The following APBA1 variants were observed in gnomAD, a reference collection of about 807,000 sequenced individuals.
APBA1 encodes the protein amyloid-beta A4 precursor protein-binding family A member 1.
APBA1 carries 55 observed loss-of-function variants against 86.6 expected under a neutral mutation model. That is an observed-to-expected ratio of 0.64 (90% CI 0.51 to 0.80). The LOEUF is 0.80. Among genes scored for constraint, APBA1 ranks in the 30% least tolerant of loss-of-function variants. The pLI is 0.00. For synonymous variants in APBA1, 511 were observed against 493.9 expected, an observed-to-expected ratio of 1.03 and a Z score of -0.46; for missense variants, 1,090 against 1,183.0, an observed-to-expected ratio of 0.92 and a Z score of 1.15.
At chr9:69,439,072 GA>G (rs1388055196) in intron 11 of APBA1, among the ~76,000 whole-genome samples, 1 of 40,300 alleles carries the variant, frequency 2.5e-5, no homozygotes, top group Non-Finnish European at 4.9e-5. Context: ...ATTCTGGCTT[GA>G]AAATTCTTTT....
At chr9:69,474,646 T>C (rs1352726075) in intron 3 of APBA1, among the ~76,000 whole-genome samples, 2 of 152,234 alleles carry the variant, frequency 1.3e-5, no homozygotes, top group Non-Finnish European at 2.9e-5. Context: ...GTGCTCCCAA[T>C]GGCCAAGTGT....
chr9:69,562,148 GA>G (rs1383674725), intron 1 of APBA1, among the ~76,000 whole-genome samples: 1 of 151,992 alleles, frequency 6.6e-6, no homozygotes, highest in Admixed American at 6.6e-5. Flanking sequence ...TAATTATCCT[GA>G]TTTTATCATT....
intron 1 of APBA1, among the ~76,000 whole-genome samples, chr9:69,616,308 A>G (rs1822698764): frequency 1.3e-5 from 2 of 152,196 alleles, no homozygotes; most frequent in South Asian, 4.1e-4. Context: ...CTGTAACTGG[A>G]TAAATTCTTC....
At chr9:69,584,009 C>T (rs1248932737) in intron 1 of APBA1, among the ~76,000 whole-genome samples, 4 of 152,220 alleles carry the variant, frequency 2.6e-5, no homozygotes, top group African/African-American at 4.8e-5. Flanking sequence ...TGTGTAAATG[C>T]TTTTCTATCA....
intron 1 of APBA1, among the ~76,000 whole-genome samples, chr9:69,543,390 G>A (rs1243608492): frequency 6.6e-6 from 1 of 151,870 alleles, no homozygotes; most frequent in Non-Finnish European, 1.5e-5. Flanking sequence ...CCATTAGAAA[G>A]TAAAGCATTA....
intron 10 of APBA1, among the ~76,000 whole-genome samples, chr9:69,448,166 C>T (rs992367849): frequency 4.6e-5 from 7 of 152,226 alleles, no homozygotes; most frequent in African/African-American, 1.7e-4. Context: ...TGCTACCTAC[C>T]TAGGTTTTAT....
chr9:69,655,078 C>T lies in APBA1; in HGVS notation c.-70+17075G>A, dbSNP rs115630209. ...TTTCAACACAACATGACAAAGGCCA[C>T]GTATGACAAACCCACAGCTAACATC... On this transcript the variant is annotated intron_variant, in intron 1 of 12. Transcript: ENST00000265381. Among the ~76,000 whole-genome samples, 859 of 152,166 alleles carry T rather than the reference C, an allele frequency of 5.6e-3. 8 individuals are homozygous for T. The highest frequency in any genetic ancestry group is 0.019 in the African/African-American group (802 of 41,512).
chr9:69,595,019 G>A (rs1822202183), intron 1 of APBA1, among the ~76,000 whole-genome samples: 1 of 152,200 alleles, frequency 6.6e-6, no homozygotes, highest in South Asian at 2.1e-4. Flanking sequence ...TTGGCACAAA[G>A]TAAACCATCA....
At chr9:69,510,652 C>T (rs1280325996) in intron 2 of APBA1, among the ~76,000 whole-genome samples, 9 of 142,276 alleles carry the variant, frequency 6.3e-5, no homozygotes, top group Non-Finnish European at 1.0e-4. Context: ...GGAGGCATCA[C>T]GCTACCTGAC....
At chr9:69,585,871 C>T (rs938830724) in intron 1 of APBA1, among the ~76,000 whole-genome samples, 1 of 152,150 alleles carries the variant, frequency 6.6e-6, no homozygotes, top group African/African-American at 2.4e-5. Flanking sequence ...TTATCTCATC[C>T]CCAAAACCCA....
At chr9:69,489,951 T>C (rs1177031994) in intron 2 of APBA1, among the ~76,000 whole-genome samples, 2 of 152,110 alleles carry the variant, frequency 1.3e-5, no homozygotes, top group Non-Finnish European at 2.9e-5. Flanking sequence ...GAAATACCAT[T>C]TGATCCTGCC....
intron 1 of APBA1, among the ~76,000 whole-genome samples, chr9:69,589,237 T>C (rs1032839683): frequency 2.0e-5 from 3 of 152,230 alleles, no homozygotes; most frequent in African/African-American, 7.2e-5. Context: ...ACTATAGGCA[T>C]GAGCCACTGC....
intron 1 of APBA1, among the ~76,000 whole-genome samples, chr9:69,535,305 C>T (rs1178454689): frequency 2.0e-5 from 3 of 152,228 alleles, no homozygotes; most frequent in East Asian, 1.9e-4. Context: ...CTAGCTGATG[C>T]TCCTGCAGCT....
intron 1 of APBA1, among the ~76,000 whole-genome samples, chr9:69,598,371 C>A (rs1272640093): frequency 6.6e-5 from 10 of 151,128 alleles, no homozygotes; most frequent in African/African-American, 2.4e-5. Context: ...CAGCATGGCA[C>A]ATGTATACAT....
intron 1 of APBA1, among the ~76,000 whole-genome samples, chr9:69,520,565 GAT>G (rs1836236027): frequency 6.6e-6 from 1 of 152,162 alleles, no homozygotes; most frequent in South Asian, 2.1e-4. Context: ...GTTATATTGT[GAT>G]CAGAAAGATG....
At chr9:69,614,157 T>G (rs1400212897) in intron 1 of APBA1, among the ~76,000 whole-genome samples, 2 of 152,224 alleles carry the variant, frequency 1.3e-5, no homozygotes, top group Non-Finnish European at 2.9e-5. Context: ...AACGAATAAC[T>G]ATTATTTCAT....
Position 69,457,070 on chromosome 9 carries a change from G to C in APBA1, c.1585C>G (p.Leu529Val). 6.2e-7 allele frequency: 1 copy of C among 1,614,090 alleles called. No homozygotes were observed. The highest frequency in any genetic ancestry group is 8.5e-7 in the Non-Finnish European group (1 of 1,179,988). ...GCTGATACCTGTGTGTCGGCGTTCA[G>C]CACTTTGATTCTCTGGGTAGAAATG... Reference protein sequence around the residue: ...LFISTQRIKVLNADTQETMMD... With the variant: ...LFISTQRIKVVNADTQETMMD... The change falls in exon 7 of 13, where the codon CTG becomes GTG. Residue 529 changes from leucine (L) to valine (V), a missense_variant. Coordinates refer to ENST00000265381, the MANE Select transcript of APBA1 (RefSeq NM_001163.4).
intron 1 of APBA1, among the ~76,000 whole-genome samples, chr9:69,547,901 CT>C (rs1836723255): frequency 6.6e-6 from 1 of 152,178 alleles, no homozygotes; most frequent in Admixed American, 6.5e-5. Context: ...GGAAAATGGC[CT>C]CCAAAGATGT....
chr9:69,429,447 G>A lies in APBA1; in HGVS notation c.*1880C>T, dbSNP rs540572592. 1 of 152,208 alleles carries A rather than the reference G, an allele frequency of 6.6e-6. No homozygotes were observed. The highest frequency in any genetic ancestry group is 2.4e-5 in the African/African-American group (1 of 41,466). 9.4% of individuals were successfully genotyped at this position (152,208 alleles called of 1,614,324 possible). A position where few individuals can be genotyped will look rare whatever the true frequency, so the allele number is the denominator to read the frequency against. The stretch of plus-strand genomic sequence containing the variant: ...CCATCCCAGAGCCCCTGGCCCCACC[G>A]GGTGCCACTCTCTGCAGCAGCAGAA... On this transcript the variant is annotated 3_prime_UTR_variant, in exon 13 of 13. Transcript: ENST00000265381.
Sources: allele counts gnomAD v4.1 joint callset (sites outside exome capture counted in the v4.1 genomes callset), GRCh38; gene constraint gnomAD v4.1.1; transcripts MANE v1.5; gene names NCBI Gene and HGNC (gene_info 2026-07-23, HGNC 2026-07-21).